The following ENOX2 variants were observed in gnomAD, a reference collection of about 807,000 sequenced individuals.
ENOX2 encodes the protein ecto-NOX disulfide-thiol exchanger 2, also known as APK1 antigen.
In ENOX2, 36 loss-of-function variants were observed where a neutral mutation model predicts 45.0. That is an observed-to-expected ratio of 0.80 (90% confidence interval 0.61 to 1.06). The LOEUF (loss-of-function observed/expected upper bound fraction) is 1.06, where lower values mean the gene tolerates loss of function less well. Among genes scored for constraint, ENOX2 ranks in the 50% least tolerant of loss-of-function variants. The pLI, the probability that ENOX2 is intolerant of heterozygous loss-of-function variation, is 0.00. For missense variants in ENOX2, 423 were observed against 462.5 expected (o/e 0.91, Z 0.78); for synonymous variants, 174 against 152.3 (o/e 1.14, Z -1.05).
At chrX:130,872,241 G>C (rs935131454) in intron 2 of ENOX2, among the ~76,000 whole-genome samples, 8 of 112,410 alleles carry the variant, frequency 7.1e-5, no homozygotes, top group African/African-American at 2.3e-4. Context: ...TAAGGCAAAA[G>C]CACGTATTAA....
At chrX:130,760,956 T>C (rs1034022222) in intron 3 of ENOX2, among the ~76,000 whole-genome samples, 2 of 108,778 alleles carry the variant, frequency 1.8e-5, no homozygotes, top group Non-Finnish European at 3.8e-5. Context: ...AGCCTGTGAA[T>C]ATGGTAGATT....
chrX:130,843,997 G>A (rs1172186873), intron 2 of ENOX2, among the ~76,000 whole-genome samples: 3 of 111,788 alleles, frequency 2.7e-5, no homozygotes, highest in African/African-American at 9.8e-5. Flanking sequence ...AATATATGTT[G>A]ATAAACTGAA....
intron 2 of ENOX2, among the ~76,000 whole-genome samples, chrX:130,795,553 G>A (rs998338479): frequency 8.9e-6 from 1 of 111,754 alleles, no homozygotes; most frequent in African/African-American, 3.3e-5. Context: ...ACAATTCTGG[G>A]TGCCTTGACA....
intron 4 of ENOX2, among the ~76,000 whole-genome samples, chrX:130,693,205 T>C (rs747436134): frequency 8.9e-5 from 10 of 112,087 alleles, no homozygotes; most frequent in Non-Finnish European, 1.9e-4. Flanking sequence ...ACAGGTCCTA[T>C]GTCAGGTGTT....
intron 9 of ENOX2, among the ~76,000 whole-genome samples, chrX:130,663,067 C>T (rs2036735186): frequency 8.9e-6 from 1 of 112,391 alleles, no homozygotes; most frequent in South Asian, 3.7e-4. Flanking sequence ...CTCACTGGTA[C>T]AGCTATCTCT....
At chrX:130,639,617 A>C (rs1403417175) in intron 10 of ENOX2, among the ~76,000 whole-genome samples, 1 of 112,204 alleles carries the variant, frequency 8.9e-6, no homozygotes, top group Non-Finnish European at 1.9e-5. Flanking sequence ...GATATGGAAG[A>C]GATGTTGGAA....
At chrX:130,684,120 A>C in intron 5 of ENOX2, among the ~76,000 whole-genome samples, 1 of 112,822 alleles carries the variant, frequency 8.9e-6, no homozygotes, top group East Asian at 2.8e-4. Context: ...GCTACCTGCC[A>C]ACCAGCCCTT....
At chrX:130,695,258 C>T (rs12008673) in intron 4 of ENOX2, among the ~76,000 whole-genome samples, 92 of 112,101 alleles carry the variant, frequency 8.2e-4, no homozygotes, top group African/African-American at 3.0e-3. Flanking sequence ...AGATATTTCA[C>T]ACATGCATTG....
intron 3 of ENOX2, among the ~76,000 whole-genome samples, chrX:130,715,311 G>A (rs187628175): frequency 2.0e-3 from 225 of 111,752 alleles, no homozygotes; most frequent in Non-Finnish European, 3.4e-3. Context: ...TTTGGCTGAA[G>A]TACTAGCTGC....
chrX:130,790,754 T>C (rs1176901790), intron 2 of ENOX2, among the ~76,000 whole-genome samples: 1 of 112,056 alleles, frequency 8.9e-6, no homozygotes, highest in African/African-American at 3.2e-5. Context: ...TCAGATGCTA[T>C]TTCCTTCATG....
intron 3 of ENOX2, among the ~76,000 whole-genome samples, chrX:130,747,763 C>T (rs1418677365): frequency 8.9e-6 from 1 of 112,421 alleles, no homozygotes; most frequent in Non-Finnish European, 1.9e-5. Flanking sequence ...TAAAGATTTG[C>T]AGCAATGTGT....
At chrX:130,899,360 T>C (rs768509836) in intron 2 of ENOX2, among the ~76,000 whole-genome samples, 7 of 112,100 alleles carry the variant, frequency 6.2e-5, no homozygotes, top group African/African-American at 2.3e-4. Flanking sequence ...ATTTATTAGG[T>C]GACTACCATG....
intron 3 of ENOX2, among the ~76,000 whole-genome samples, chrX:130,735,370 A>C (rs1006383222): frequency 8.9e-6 from 1 of 112,202 alleles, no homozygotes; most frequent in Non-Finnish European, 1.9e-5. Flanking sequence ...TGTGACTAGA[A>C]GCTTTCACAA....
chrX:130,711,830 AAGTT>A, intron 3 of ENOX2, among the ~76,000 whole-genome samples: 1 of 111,688 alleles, frequency 9.0e-6, no homozygotes, highest in Non-Finnish European at 1.9e-5. Flanking sequence ...TTCAATATTT[AAGTT>A]AGATCAATTT....
At chrX:130,665,259 G>A (rs1003686918) in intron 9 of ENOX2, among the ~76,000 whole-genome samples, 2 of 111,881 alleles carry the variant, frequency 1.8e-5, no homozygotes, top group Admixed American at 9.4e-5. Context: ...GGCGGCTTCC[G>A]TCCTTCACTG....
At chrX:130,852,188 T>C (rs1288264292) in intron 2 of ENOX2, among the ~76,000 whole-genome samples, 6 of 112,576 alleles carry the variant, frequency 5.3e-5, no homozygotes, top group Non-Finnish European at 9.4e-5. Context: ...TATTGTCTAG[T>C]AGCATATGAG....
At chrX:130,865,651 A>G (rs1324145223) in intron 2 of ENOX2, among the ~76,000 whole-genome samples, 1 of 112,235 alleles carries the variant, frequency 8.9e-6, no homozygotes, top group Non-Finnish European at 1.9e-5. Context: ...AGTAAAATAT[A>G]CAGAGATCAT....
chrX:130,753,636 C>T (rs2039281228), intron 3 of ENOX2, among the ~76,000 whole-genome samples: 1 of 111,918 alleles, frequency 8.9e-6, no homozygotes, highest in Admixed American at 9.5e-5. Flanking sequence ...TTTATCTTTC[C>T]ATGCCTGACT....
chrX:130,878,476 A>G (rs2078748173), intron 2 of ENOX2, among the ~76,000 whole-genome samples: 1 of 111,239 alleles, frequency 9.0e-6, no homozygotes, highest in Non-Finnish European at 1.9e-5. Context: ...GCCTGTGCTT[A>G]TTCCTTTTTC....
Sources: gnomAD v4.1 joint callset for allele counts (sites outside exome capture counted in the v4.1 genomes callset) on GRCh38, gnomAD v4.1.1 for gene constraint, MANE v1.5 for transcripts, NCBI Gene and HGNC (gene_info 2026-07-23, HGNC 2026-07-21) for gene names.